GNAQ: variants seen among roughly 807,000 people sequenced by gnomAD.
The protein encoded by GNAQ is guanine nucleotide-binding protein G(q) subunit alpha.
GNAQ carries 8 observed loss-of-function variants against 43.9 expected under a neutral mutation model. The observed-to-expected ratio is 0.18, with a 90% CI of 0.11 to 0.33. The LOEUF is 0.33. Among genes scored for constraint, GNAQ ranks in the 10% least tolerant of loss-of-function variants. The pLI is 1.00. For missense variants in GNAQ, 158 were observed against 450.8 expected, an observed-to-expected ratio of 0.35 and a Z score of 5.88; for synonymous variants, 155 against 170.7, an observed-to-expected ratio of 0.91 and a Z score of 0.71.
In GNAQ at chr9:77,766,966, C is replaced by T. The variant is rs754099211; in HGVS notation, c.735+27497G>A. On this transcript the variant is annotated intron_variant, in intron 5 of 6. Coordinates refer to ENST00000286548, the MANE Select transcript of GNAQ (RefSeq NM_002072.5). ...GCTTTTTTCCCTTCTGAAATACTCT[C>T]TGACTTCATGTTCTTAATCTCTATA... 2.0e-5 allele frequency among the ~76,000 whole-genome samples: 3 copies of T among 152,092 alleles called. No individual in the cohort carries two copies. In the East Asian group the frequency reaches 5.8e-4, roughly 29 times the overall value.
chr9:77,986,458 C>G (rs1823436837), intron 1 of GNAQ, among the ~76,000 whole-genome samples: 2 of 152,138 alleles, frequency 1.3e-5, no homozygotes, highest in Non-Finnish European at 2.9e-5. Context: ...AGAGGTCTAC[C>G]CTGGCTCCTC....
rs528969902 is a variant in GNAQ at position 77,924,889 on chromosome 9, G to A, written c.137-2544C>T. 3.9e-5 allele frequency among the ~76,000 whole-genome samples: 6 copies of A among 152,066 alleles called. No individual in the cohort carries two copies. In the South Asian group the frequency reaches 1.0e-3, roughly 26 times the overall value. On this transcript the variant is annotated intron_variant, in intron 1 of 6. Transcript: ENST00000286548. ...GTACCCCCAGGAGGCTGACCAATAGGGATTTCAACAGCTTTGTTATATTCT... is the reference window on the plus strand; with the variant it reads ...GTACCCCCAGGAGGCTGACCAATAGAGATTTCAACAGCTTTGTTATATTCT...
chr9:77,727,600 C>T (rs1344339888), intron 6 of GNAQ, among the ~76,000 whole-genome samples: 2 of 152,170 alleles, frequency 1.3e-5, no homozygotes, highest in Non-Finnish European at 2.9e-5. Context: ...GGTGGTGGGA[C>T]TTCATTGGGC....
intron 1 of GNAQ, among the ~76,000 whole-genome samples, chr9:78,026,089 T>C (rs184475902): frequency 6.6e-6 from 1 of 152,312 alleles, no homozygotes; most frequent in East Asian, 1.9e-4. Context: ...AAAAAGATTC[T>C]ATCAAATTTA....
At chr9:78,011,118 C>T (rs991387679) in intron 1 of GNAQ, among the ~76,000 whole-genome samples, 3 of 152,200 alleles carry the variant, frequency 2.0e-5, no homozygotes, top group African/African-American at 7.2e-5. Flanking sequence ...GACTTCTCAT[C>T]AAAGTGGCTG....
intron 1 of GNAQ, among the ~76,000 whole-genome samples, chr9:77,985,319 A>C (rs1055278166): frequency 8.5e-5 from 13 of 152,138 alleles, no homozygotes; most frequent in Non-Finnish European, 1.5e-5. Context: ...TCTCAGAAAA[A>C]CCAACCAACA....
chr9:77,896,097 A>T (rs1177924453), intron 2 of GNAQ, among the ~76,000 whole-genome samples: 3 of 152,210 alleles, frequency 2.0e-5, no homozygotes, highest in Admixed American at 2.0e-4. Context: ...GACATGCTGG[A>T]TAGAAGCCTG....
intron 1 of GNAQ, among the ~76,000 whole-genome samples, chr9:77,961,427 C>CAG (rs1159450379): frequency 1.3e-5 from 2 of 152,052 alleles, no homozygotes; most frequent in Admixed American, 1.3e-4. Flanking sequence ...AAGAGCTGAA[C>CAG]AGAGAGAAAG....
chr9:77,943,705 C>T lies in GNAQ; in HGVS notation c.137-21360G>A, dbSNP rs183855580. On this transcript the variant is annotated intron_variant, in intron 1 of 6. Transcript: ENST00000286548. ...TTGAGACGACGTCTTGCTCTGTTGC[C>T]CAGGCTGGAGTGCAGTGGCGTGATC... Among the ~76,000 whole-genome samples, 363 of 147,840 alleles carry T rather than the reference C, an allele frequency of 2.5e-3. 2 individuals are homozygous for T. Among genetic ancestry groups the T allele is most frequent in the African/African-American group, 8.6e-3 (343 of 40,086 alleles).
intron 4 of GNAQ, among the ~76,000 whole-genome samples, chr9:77,795,805 G>C (rs1009811929): frequency 3.9e-5 from 6 of 152,166 alleles, no homozygotes; most frequent in Admixed American, 6.5e-5. Flanking sequence ...GTCACACTGG[G>C]CCGTAAAAGA....
rs572617817 is a variant in GNAQ at position 77,802,924 on chromosome 9, A to G, written c.477-5276T>C. On this transcript the variant is annotated intron_variant, in intron 3 of 6. Transcript: ENST00000286548. ...GAGACATTATAAATTATTAATTTAT[A>G]ATTTTTTTTAAAAAAAGAAACCCCG... Among the ~76,000 whole-genome samples, 3 of 152,172 alleles carry G rather than the reference A, an allele frequency of 2.0e-5. No homozygotes were observed. In the East Asian group the frequency reaches 5.8e-4, roughly 29 times the overall value.
chr9:77,892,839 T>A (rs1216428813), intron 2 of GNAQ, among the ~76,000 whole-genome samples: 1 of 152,090 alleles, frequency 6.6e-6, no homozygotes, highest in Non-Finnish European at 1.5e-5. Context: ...AGAAAGAAAA[T>A]CCCTTGTCAT....
intron 1 of GNAQ, among the ~76,000 whole-genome samples, chr9:78,009,742 G>A (rs1823751191): frequency 6.6e-6 from 1 of 152,092 alleles, no homozygotes; most frequent in Non-Finnish European, 1.5e-5. Flanking sequence ...TGGGAATAAA[G>A]TTTAAATGAA....
intron 2 of GNAQ, among the ~76,000 whole-genome samples, chr9:77,883,858 A>C (rs1828258790): frequency 1.3e-5 from 2 of 152,152 alleles, no homozygotes; most frequent in Non-Finnish European, 2.9e-5. Flanking sequence ...TTCATTGCCC[A>C]CCAAAGTAGT....
At chr9:77,884,549 C>G (rs1314537088) in intron 2 of GNAQ, among the ~76,000 whole-genome samples, 1 of 152,190 alleles carries the variant, frequency 6.6e-6, no homozygotes, top group Non-Finnish European at 1.5e-5. Flanking sequence ...AGTTAGGAAT[C>G]CTAGCTGCAA....
chr9:77,811,332 ATATAT>A (rs67425719), intron 3 of GNAQ, among the ~76,000 whole-genome samples: 79,583 of 150,512 alleles, frequency 0.53, 24,012 homozygotes, highest in Non-Finnish European at 0.67. Context: ...CTTTATAAAG[ATATAT>A]TATATATAAA....
intron 5 of GNAQ, among the ~76,000 whole-genome samples, chr9:77,737,950 C>T (rs1021638992): frequency 6.6e-6 from 1 of 152,150 alleles, no homozygotes; most frequent in African/African-American, 2.4e-5. Context: ...TAACAGACAA[C>T]ACAGATTATT....
At chr9:77,736,403 C>T (rs1357064892) in intron 5 of GNAQ, among the ~76,000 whole-genome samples, 1 of 152,144 alleles carries the variant, frequency 6.6e-6, no homozygotes, top group Non-Finnish European at 1.5e-5. Context: ...GAAATAAGAA[C>T]GTCAAACTCA....
intron 5 of GNAQ, among the ~76,000 whole-genome samples, chr9:77,751,202 C>A (rs190099861): frequency 2.0e-5 from 3 of 152,212 alleles, no homozygotes; most frequent in Non-Finnish European, 4.4e-5. Flanking sequence ...CCTGCCTTTT[C>A]CCTCAAACCA....
Sources: allele counts gnomAD v4.1 joint callset (sites outside exome capture counted in the v4.1 genomes callset), GRCh38; gene constraint gnomAD v4.1.1; transcripts MANE v1.5; gene names NCBI Gene and HGNC (gene_info 2026-07-23, HGNC 2026-07-21).